PRH1: variants seen among roughly 807,000 people sequenced by gnomAD.
The protein encoded by PRH1 is salivary acidic proline-rich phosphoprotein 1/2.
A neutral mutation model predicts 7.9 loss-of-function variants in PRH1; 7 were observed. The observed-to-expected ratio is 0.89, with a 90% CI of 0.50 to 1.67. The LOEUF (loss-of-function observed/expected upper bound fraction) is 1.67, where lower values mean the gene tolerates loss of function less well. PRH1 is among the 40% of genes most tolerant of loss of function. The probability of loss-of-function intolerance (pLI) is 0.00; values close to 1 mark genes in which losing one functional copy is unlikely to be tolerated. For synonymous variants in PRH1, 45 were observed against 80.8 expected (o/e 0.56, Z 2.38); for missense variants, 109 against 223.6 (o/e 0.49, Z 3.27).
intron 2 of PRH1, among the ~76,000 whole-genome samples, chr12:10,925,163 C>T (rs1950107032): frequency 6.6e-6 from 1 of 152,166 alleles, no homozygotes; most frequent in Non-Finnish European, 1.5e-5. Context: ...ACTTATTAAA[C>T]TTTTGCTCCA....
At chr12:10,930,613 G>A in intron 2 of PRH1, 10 of 1,606,920 alleles carry the variant, frequency 6.2e-6, no homozygotes, top group Non-Finnish European at 8.5e-6. Flanking sequence ...TATGAAGACA[G>A]GAGGGTTTTC....
chr12:10,907,733 A>T (rs949434888), intron 2 of PRH1, among the ~76,000 whole-genome samples: 1 of 150,728 alleles, frequency 6.6e-6, no homozygotes, highest in Non-Finnish European at 1.5e-5. Flanking sequence ...TGAAATGTGG[A>T]CTAACATGTT....
intron 1 of PRH1, among the ~76,000 whole-genome samples, chr12:11,103,743 C>T (rs1220270165): frequency 2.0e-5 from 3 of 151,678 alleles, no homozygotes; most frequent in African/African-American, 7.3e-5. Context: ...CGTGTTAAGC[C>T]ATAGGACTAT....
At chr12:10,930,603 T>C (rs1950191936) in intron 2 of PRH1, 2 of 1,604,190 alleles carry the variant, frequency 1.2e-6, no homozygotes, top group East Asian at 2.2e-5. Context: ...GACAGAGAGA[T>C]ATGAAGACAG....
intron 2 of PRH1, among the ~76,000 whole-genome samples, chr12:10,960,320 G>A (rs767487280): frequency 9.9e-5 from 15 of 152,216 alleles, no homozygotes; most frequent in South Asian, 2.1e-4. Context: ...AATGAACACT[G>A]GGGGTGGTAG....
At chr12:11,158,436 T>C (rs1354450910) in intron 1 of PRH1, among the ~76,000 whole-genome samples, 15 of 152,138 alleles carry the variant, frequency 9.9e-5, no homozygotes, top group Admixed American at 9.8e-4. Flanking sequence ...AAAAATTACA[T>C]TACACTTTTT....
intron 2 of PRH1, among the ~76,000 whole-genome samples, chr12:10,967,008 G>C (rs1270845789): frequency 6.6e-6 from 1 of 151,758 alleles, no homozygotes; most frequent in Non-Finnish European, 1.5e-5. Context: ...CCAGCTACTT[G>C]GGAGGCTGAG....
chr12:10,883,036 T>C, intron 2 of PRH1, 25 bp downstream of exon 2: 1 of 1,605,610 alleles, frequency 6.2e-7, no homozygotes, highest in Non-Finnish European at 8.5e-7. Flanking sequence ...GAGACAGAGT[T>C]TACTGAGAAT....
Position 11,094,714 on chromosome 12 carries a change from T to C in PRH1, n.124-47526A>G, listed in dbSNP as rs1331159183. ...GATGAGTAATAATAATTTCTATATT[T>C]CTCCTAATTACAAATTTGTATATTA... On this transcript the variant is annotated intron_variant and non_coding_transcript_variant, in intron 1 of 4. Coordinates refer to the PRH1 transcript ENST00000541977. 7.8e-5 allele frequency among the ~76,000 whole-genome samples: 9 copies of C among 115,728 alleles called. 2 individuals carry two copies. Among genetic ancestry groups the C allele is most frequent in the Non-Finnish European group, 1.6e-4 (8 of 48,982 alleles). 75.9% of individuals were successfully genotyped at this position (115,728 alleles called of 152,430 possible). A position where few individuals can be genotyped will look rare whatever the true frequency, so the allele number is the denominator to read the frequency against.
At chr12:10,944,686 G>T (rs2135901035) in intron 2 of PRH1, among the ~76,000 whole-genome samples, 1 of 152,152 alleles carries the variant, frequency 6.6e-6, no homozygotes, top group South Asian at 2.1e-4. Context: ...TATGATGTTG[G>T]GTGTGGGTTT....
At chr12:10,935,788 T>C (rs1264026505) in intron 2 of PRH1, among the ~76,000 whole-genome samples, 2 of 152,150 alleles carry the variant, frequency 1.3e-5, no homozygotes, top group African/African-American at 4.8e-5. Flanking sequence ...ATAAACTACA[T>C]CAGCAAAGAT....
At chr12:10,987,702 A>C (rs528857930) in intron 1 of PRH1, among the ~76,000 whole-genome samples, 78 of 150,340 alleles carry the variant, frequency 5.2e-4, no homozygotes, top group East Asian at 1.2e-3. Flanking sequence ...GACCCCCCCC[A>C]AAAAAATGTA....
chr12:11,102,274 G>A (rs143407535), intron 1 of PRH1, among the ~76,000 whole-genome samples: 4,452 of 152,182 alleles, frequency 0.029, 92 homozygotes, highest in Non-Finnish European at 0.043. Flanking sequence ...GAGGCATCAC[G>A]CTACCTGACT....
intron 1 of PRH1, among the ~76,000 whole-genome samples, chr12:11,072,256 G>GA (rs796337298): frequency 0.39 from 58,595 of 151,420 alleles, 15,425 homozygotes; most frequent in Non-Finnish European, 0.44. Flanking sequence ...CAAAGTTCCG[G>GA]GATTGCAAGC....
rs1278915072 is a variant in PRH1 at position 11,090,319 on chromosome 12, CA to C, written n.124-43132del. On this transcript the variant is annotated intron_variant and non_coding_transcript_variant, in intron 1 of 4. Transcript: ENST00000541977. ...CTATATTTACATTGATTTTATTTTT[CA>C]AAAAGAGAGGATTTGAGTTCTCTTA... 3.2e-5 allele frequency among the ~76,000 whole-genome samples: 3 copies of C among 92,486 alleles called. 1 individual carries two copies. The highest frequency in any genetic ancestry group is 5.3e-5 in the Non-Finnish European group (2 of 37,756). 60.7% of individuals were successfully genotyped at this position (92,486 alleles called of 152,430 possible). A position where few individuals can be genotyped will look rare whatever the true frequency, so the allele number is the denominator to read the frequency against.
At chr12:11,068,985 GCTCTCCA>G (rs375576806) in intron 1 of PRH1, among the ~76,000 whole-genome samples, 62,531 of 112,710 alleles carry the variant, frequency 0.55, 15,120 homozygotes, top group Non-Finnish European at 0.64. Flanking sequence ...TTGGCTCACT[GCTCTCCA>G]CTGCTCTCTA....
At chr12:10,909,496 T>A in intron 2 of PRH1, 1 of 496,848 alleles carries the variant, frequency 2.0e-6, no homozygotes, top group Non-Finnish European at 3.6e-6. Context: ...TCTGGTGATA[T>A]CTTTATTTTT....
chr12:11,085,945 A>G (rs1173886512), intron 1 of PRH1, among the ~76,000 whole-genome samples: 1 of 119,354 alleles, frequency 8.4e-6, no homozygotes, highest in Non-Finnish European at 2.0e-5. Flanking sequence ...CATTTTTTCA[A>G]TGCCAGGTTT....
intron 2 of PRH1, among the ~76,000 whole-genome samples, chr12:10,901,398 C>T (rs1253096713): frequency 1.3e-5 from 2 of 152,154 alleles, no homozygotes; most frequent in East Asian, 3.9e-4. Context: ...TAGCTCCACC[C>T]CTAGACAGAA....
Sources: allele counts gnomAD v4.1 joint callset (sites outside exome capture counted in the v4.1 genomes callset), GRCh38; gene constraint gnomAD v4.1.1; transcripts MANE v1.5; gene names NCBI Gene and HGNC (gene_info 2026-07-23, HGNC 2026-07-21).